Variants in SYBU observed in about 807,000 individuals in gnomAD.
SYBU encodes syntabulin.
In SYBU, 21 loss-of-function variants were observed where a neutral mutation model predicts 35.9. The ratio of observed to expected loss-of-function variants is 0.58; its 90% CI spans 0.41 to 0.84. SYBU has a LOEUF of 0.84. Ranked by LOEUF, SYBU falls within the 40% of genes least tolerant of loss-of-function variation. SYBU has a pLI of 0.00. For missense variants in SYBU, 768 were observed against 848.2 expected (o/e 0.91, Z 1.17); for synonymous variants, 319 against 324.3 (o/e 0.98, Z 0.18).
intron 1 of SYBU, among the ~76,000 whole-genome samples, chr8:109,668,036 T>C (rs1416592038): frequency 1.3e-5 from 2 of 151,752 alleles, no homozygotes; most frequent in Admixed American, 6.6e-5. Context: ...AATGGACTTT[T>C]TGGCAAAAAA....
intron 1 of SYBU, among the ~76,000 whole-genome samples, chr8:109,663,250 AATAC>A (rs1328774340): frequency 7.1e-6 from 1 of 140,150 alleles, no homozygotes; most frequent in Non-Finnish European, 1.5e-5. Flanking sequence ...GTTTAATAAA[AATAC>A]ATACAGATAG....
intron 1 of SYBU, chr8:109,644,314 G>A (rs1815329978): frequency 3.6e-6 from 2 of 559,752 alleles, no homozygotes; most frequent in South Asian, 3.3e-5. Context: ...TCCCAGTCGC[G>A]GATGCATCAA....
intron 1 of SYBU, among the ~76,000 whole-genome samples, chr8:109,658,186 T>C (rs77718355): frequency 0.094 from 14,356 of 152,230 alleles, 773 homozygotes; most frequent in South Asian, 0.23. Flanking sequence ...AAGTTTTAGG[T>C]TAATTAAGCA....
chr8:109,669,475 A>G (rs1462637696), intron 1 of SYBU, among the ~76,000 whole-genome samples: 3 of 152,134 alleles, frequency 2.0e-5, no homozygotes, highest in African/African-American at 7.2e-5. Context: ...AAACATATCA[A>G]CGTGTTGAAG....
rs552484315 is a variant in SYBU, at chr8:109,616,311, A to G, written c.427+2531T>C. Among the ~76,000 whole-genome samples the G allele has an allele frequency of 9.2e-5, 14 of 151,900 alleles. 1 individual carries two copies. The East Asian group carries it at 2.7e-3, about 29-fold the overall frequency. On this transcript the variant is annotated intron_variant, in intron 3 of 6. Transcript: ENST00000276646. The stretch of plus-strand genomic sequence containing the variant: ...AGGCATGAGCCACCACGCCCGGCCT[A>G]TTCCCTGTGATTTCCTCATGAAGAT...
chr8:109,645,633 G>GTTTTTTT (rs77642059), upstream of SYBU: 112 of 230,834 alleles, frequency 4.9e-4, 2 homozygotes, highest in African/African-American at 2.7e-3. Context: ...TTCGTTTTTT[G>GTTTTTTT]TTTTTTTTTT....
chr8:109,609,656 T>C (rs1424823490), intron 3 of SYBU, among the ~76,000 whole-genome samples: 1 of 152,184 alleles, frequency 6.6e-6, no homozygotes, highest in South Asian at 2.1e-4. Context: ...TTGACTCTGA[T>C]GTCCTGGCTA....
chr8:109,635,057 C>T (rs1814065242), intron 2 of SYBU, among the ~76,000 whole-genome samples: 1 of 152,166 alleles, frequency 6.6e-6, no homozygotes, highest in Non-Finnish European at 1.5e-5. Flanking sequence ...ATCTGTTCCC[C>T]ATCCCAGTTA....
intron 1 of SYBU, among the ~76,000 whole-genome samples, chr8:109,652,590 T>A (rs936427963): frequency 6.6e-6 from 1 of 152,160 alleles, no homozygotes; most frequent in Non-Finnish European, 1.5e-5. Flanking sequence ...TTAGCAATAG[T>A]TGACATTTTA....
intron 3 of SYBU, among the ~76,000 whole-genome samples, chr8:109,593,300 G>T (rs1824497153): frequency 6.6e-6 from 1 of 152,188 alleles, no homozygotes; most frequent in African/African-American, 2.4e-5. Flanking sequence ...TGAGTGAGCA[G>T]AAATGAAGAC....
intron 1 of SYBU, among the ~76,000 whole-genome samples, chr8:109,663,203 G>A (rs1281795455): frequency 1.3e-5 from 2 of 151,888 alleles, no homozygotes; most frequent in African/African-American, 2.4e-5. Context: ...TAAAACATAG[G>A]CTCTCTCAGT....
chr8:109,680,679 T>C (rs546958187), intron 1 of SYBU: 1 of 152,270 alleles, frequency 6.6e-6, no homozygotes, highest in East Asian at 1.9e-4. Flanking sequence ...GCAAAACAAA[T>C]ATACCTCCCT....
intron 2 of SYBU, among the ~76,000 whole-genome samples, chr8:109,624,712 G>T (rs1812791356): frequency 6.6e-6 from 1 of 152,084 alleles, no homozygotes; most frequent in Non-Finnish European, 1.5e-5. Flanking sequence ...TCCAATCAAG[G>T]CTTTAAAGCT....
chr8:109,648,246 A>T (rs1369622893), upstream of SYBU, among the ~76,000 whole-genome samples: 3 of 145,988 alleles, frequency 2.1e-5, no homozygotes, highest in African/African-American at 5.1e-5. Context: ...AATATATAAT[A>T]ATATATATAT....
At chr8:109,640,761 T>TC (rs1814767672) in intron 2 of SYBU, among the ~76,000 whole-genome samples, 1 of 151,554 alleles carries the variant, frequency 6.6e-6, no homozygotes, top group African/African-American at 2.4e-5. Flanking sequence ...ATAGGGTTTT[T>TC]TTTTTCAGAA....
chr8:109,660,610 T>C (rs1370921062), intron 1 of SYBU, among the ~76,000 whole-genome samples: 1 of 152,182 alleles, frequency 6.6e-6, no homozygotes, highest in African/African-American at 2.4e-5. Context: ...CAAGAAAATA[T>C]GGGAGCTGAA....
In SYBU at chr8:109,678,434, C is replaced by CTTT. The variant is rs10717299; in HGVS notation, c.-129+2274_-129+2276dup. Among the ~76,000 whole-genome samples, 547 of 58,382 alleles carry CTTT rather than the reference C, an allele frequency of 9.4e-3. 13 individuals carry two copies. The highest frequency in any genetic ancestry group is 0.014 in the Middle Eastern group (1 of 72). 38.3% of individuals were successfully genotyped at this position (58,382 alleles called of 152,430 possible). ...GGGTGGAAGAGCAGTTTCAAATAACCTTTTTTTTTTTTTTTTTTTTTTTTG... is the reference window on the plus strand; with the variant it reads ...GGGTGGAAGAGCAGTTTCAAATAACCTTTTTTTTTTTTTTTTTTTTTTTTTTTG... On this transcript the variant is annotated intron_variant, in intron 1 of 5. Coordinates refer to the SYBU transcript ENST00000408889.
upstream of SYBU, chr8:109,648,665 A>G (rs1168565196): frequency 6.6e-6 from 1 of 152,078 alleles, no homozygotes; most frequent in African/African-American, 2.4e-5. Context: ...GGTCCCTCAC[A>G]TTCACTCTTC....
upstream of SYBU, chr8:109,646,892 A>G (rs1421220165): frequency 6.6e-6 from 1 of 152,172 alleles, no homozygotes; most frequent in Non-Finnish European, 1.5e-5. Flanking sequence ...ACTTCTGTCC[A>G]CTATTTGTCT....
Sources: allele counts gnomAD v4.1 joint callset (sites outside exome capture counted in the v4.1 genomes callset), GRCh38; gene constraint gnomAD v4.1.1; transcripts MANE v1.5; gene names NCBI Gene and HGNC (gene_info 2026-07-23, HGNC 2026-07-21).